TLL2: variants seen among roughly 807,000 people sequenced by gnomAD.
TLL2 encodes tolloid-like protein 2.
A neutral mutation model predicts 123.0 loss-of-function variants in TLL2; 106 were observed. That is an observed-to-expected ratio of 0.86 (90% CI 0.74 to 1.01). The LOEUF (loss-of-function observed/expected upper bound fraction) is 1.01, where lower values mean the gene tolerates loss of function less well. TLL2 is among the 50% of genes least tolerant of loss of function. TLL2 has a pLI of 0.00. For synonymous variants in TLL2, 494 were observed against 516.8 expected, an observed-to-expected ratio of 0.96 and a Z score of 0.60; for missense variants, 1,332 against 1,336.7, an observed-to-expected ratio of 1.00 and a Z score of 0.06.
rs141996484 is a variant in TLL2, at chr10:96,420,330, G to A, written c.923+626C>T. Among the ~76,000 whole-genome samples the A allele has an allele frequency of 1.6e-3, 238 of 152,328 alleles. 1 individual carries two copies. The highest frequency in any genetic ancestry group is 5.6e-3 in the African/African-American group (233 of 41,574). Reference sequence around the variant, plus strand: ...TGAAAATCTTTAATGTCTGCTAGGCGCAGCACATCAGAACAGCTCATCAGA... The same window carrying A: ...TGAAAATCTTTAATGTCTGCTAGGCACAGCACATCAGAACAGCTCATCAGA... On this transcript the variant is annotated intron_variant, in intron 7 of 20. Transcript: ENST00000357947.
At chr10:96,407,556 G>A (rs891205632) in intron 9 of TLL2, among the ~76,000 whole-genome samples, 1 of 152,124 alleles carries the variant, frequency 6.6e-6, no homozygotes, top group Non-Finnish European at 1.5e-5. Flanking sequence ...CACACCATAG[G>A]CACTCGATAA....
chr10:96,397,414 C>A, intron 10 of TLL2, 112 bp from the exon 11 acceptor site: 1 of 704,832 alleles, frequency 1.4e-6, no homozygotes, highest in Admixed American at 2.9e-5. Context: ...TGAGCAATAA[C>A]CCTGGCTGGG....
intron 1 of TLL2, among the ~76,000 whole-genome samples, chr10:96,485,636 T>TA (rs1297945263): frequency 6.6e-6 from 1 of 152,082 alleles, no homozygotes; most frequent in Non-Finnish European, 1.5e-5. Context: ...AATTAGAAAA[T>TA]AAAAAGTGTT....
rs935617277 is a variant in TLL2, at chr10:96,391,116, C to T, written c.1727-4038G>A. ...AGTGTTGCACGAGGCTGTGGTCGCT[C>T]ACCCACTCTTCTTCCAGAGAGTCTT... On this transcript the variant is annotated intron_variant, in intron 13 of 20. Coordinates refer to ENST00000357947, the MANE Select transcript of TLL2 (RefSeq NM_012465.4). Among the ~76,000 whole-genome samples the T allele has an allele frequency of 4.3e-4, 65 of 152,164 alleles. 1 individual carries two copies. The highest frequency in any genetic ancestry group is 4.2e-3 in the Admixed American group (64 of 15,284).
At chr10:96,504,635 C>T (rs4919026) in intron 1 of TLL2, among the ~76,000 whole-genome samples, 144,479 of 152,212 alleles carry the variant, frequency 0.95, 69,003 homozygotes, top group East Asian at 1. Flanking sequence ...TTAGAAAACA[C>T]AAATCCCTTA....
At chr10:96,435,181 A>C (rs1846784591) in intron 3 of TLL2, among the ~76,000 whole-genome samples, 1 of 151,470 alleles carries the variant, frequency 6.6e-6, no homozygotes, top group Non-Finnish European at 1.5e-5. Flanking sequence ...ACAGGTGCCC[A>C]CCACCACACC....
intron 2 of TLL2, among the ~76,000 whole-genome samples, chr10:96,470,159 G>A (rs1301549090): frequency 6.6e-6 from 1 of 152,182 alleles, no homozygotes; most frequent in East Asian, 1.9e-4. Flanking sequence ...TGGCTAAAGG[G>A]TCTCCTTTCC....
chr10:96,368,137 G>T lies in TLL2; in HGVS notation c.2999C>A (p.Ala1000Asp). Residue 1000 changes from alanine to aspartate, a missense_variant, in exon 21 of 21, where the codon GCC becomes GAC. Transcript: ENST00000357947. ...CTGGAACTTGGTGCTGGTGTATCGG[G>T]CATGAAAGCCTTTCTTGTTGATGGT... Reference protein sequence around the residue: ...DDTINKKGFHARYTSTKFQDA... With the variant: ...DDTINKKGFHDRYTSTKFQDA... 1.2e-6 allele frequency: 2 copies of T among 1,614,194 alleles called. No homozygotes were observed. Among genetic ancestry groups the T allele is most frequent in the Admixed American group, 3.3e-5 (2 of 60,026 alleles).
At chr10:96,484,727 C>A (rs1847341845) in intron 1 of TLL2, among the ~76,000 whole-genome samples, 1 of 151,748 alleles carries the variant, frequency 6.6e-6, no homozygotes, top group Admixed American at 6.6e-5. Flanking sequence ...CAATGAAGAA[C>A]CAAGCCCTGT....
intron 17 of TLL2, among the ~76,000 whole-genome samples, chr10:96,377,414 C>T (rs1564893857): frequency 6.6e-6 from 1 of 152,200 alleles, no homozygotes; most frequent in Non-Finnish European, 1.5e-5. Flanking sequence ...AAGAGTGGTC[C>T]CACAACTTGT....
At chr10:96,474,465 C>A (rs768589856) in intron 2 of TLL2, among the ~76,000 whole-genome samples, 4 of 152,136 alleles carry the variant, frequency 2.6e-5, no homozygotes, top group Non-Finnish European at 5.9e-5. Flanking sequence ...TTCTGGGGGT[C>A]TTCATTTCCT....
At chr10:96,508,620 C>T (rs1235302760) in intron 1 of TLL2, among the ~76,000 whole-genome samples, 1 of 152,058 alleles carries the variant, frequency 6.6e-6, no homozygotes, top group Non-Finnish European at 1.5e-5. Context: ...AAATGCTATA[C>T]AGCATTTTCA....
intron 20 of TLL2, among the ~76,000 whole-genome samples, chr10:96,369,745 TC>T (rs1846060481): frequency 1.4e-5 from 2 of 138,058 alleles, no homozygotes; most frequent in South Asian, 4.7e-4. Context: ...AGACTCCGTC[TC>T]GGGGGAAAAA....
chr10:96,421,812 G>C (rs1846626960), intron 6 of TLL2, among the ~76,000 whole-genome samples: 1 of 152,068 alleles, frequency 6.6e-6, no homozygotes, highest in Admixed American at 6.5e-5. Context: ...ACTCCAGCCT[G>C]GGCAGCAAGA....
At chr10:96,381,541 T>C (rs1655590471) in intron 16 of TLL2, among the ~76,000 whole-genome samples, 2 of 152,134 alleles carry the variant, frequency 1.3e-5, no homozygotes, top group South Asian at 4.1e-4. Flanking sequence ...TCATCCTATC[T>C]CCACCTCCAT....
At chr10:96,406,267 C>T (rs1163438047) in intron 9 of TLL2, among the ~76,000 whole-genome samples, 6 of 152,106 alleles carry the variant, frequency 3.9e-5, no homozygotes, top group African/African-American at 1.4e-4. Flanking sequence ...CCTGGCCTTT[C>T]ACCCCCACGC....
intron 2 of TLL2, among the ~76,000 whole-genome samples, chr10:96,470,933 A>C (rs1475754876): frequency 2.0e-5 from 3 of 152,202 alleles, no homozygotes; most frequent in Non-Finnish European, 4.4e-5. Flanking sequence ...CATTGAATCC[A>C]TTCTCAGATC....
At chr10:96,473,700 A>C (rs1001734404) in intron 2 of TLL2, among the ~76,000 whole-genome samples, 3 of 152,258 alleles carry the variant, frequency 2.0e-5, no homozygotes, top group Non-Finnish European at 4.4e-5. Flanking sequence ...ATCCGAGCCA[A>C]TAAGTAATTA....
intron 9 of TLL2, among the ~76,000 whole-genome samples, chr10:96,406,483 C>G (rs1452896648): frequency 6.6e-6 from 1 of 152,130 alleles, no homozygotes; most frequent in Admixed American, 6.5e-5. Flanking sequence ...AGCAGTTCCT[C>G]TCTCTCCAGC....
Sources: allele counts gnomAD v4.1 joint callset (sites outside exome capture counted in the v4.1 genomes callset), GRCh38; gene constraint gnomAD v4.1.1; transcripts MANE v1.5; gene names NCBI Gene and HGNC (gene_info 2026-07-23, HGNC 2026-07-21).